Variants in CAMTA1 observed in about 807,000 individuals in gnomAD.
The protein encoded by CAMTA1 is calmodulin binding transcription activator 1.
CAMTA1 carries 27 observed loss-of-function variants against 170.9 expected under a neutral mutation model. The ratio of observed to expected loss-of-function variants is 0.16; its 90% CI spans 0.12 to 0.22. The LOEUF (loss-of-function observed/expected upper bound fraction) is 0.22. CAMTA1 is among the 10% of genes least tolerant of loss of function. The pLI is 1.00. For missense variants in CAMTA1, 1,619 were observed against 2,217.2 expected (o/e 0.73, Z 5.42); for synonymous variants, 833 against 891.5 (o/e 0.93, Z 1.17).
Position 7,063,679 on chromosome 1 carries a change from C to T in CAMTA1, c.235-27625C>T, listed in dbSNP as rs1708583698. 6.6e-6 allele frequency among the ~76,000 whole-genome samples: 1 copy of T among 152,186 alleles called. No individual in the cohort carries two copies. ...TTGCATTTGGACTTAGATTATTAGA[C>T]ATTTTCTTCTTATAAAAATCAGCAA... On this transcript the variant is annotated intron_variant, in intron 3 of 22. Coordinates refer to ENST00000303635, the MANE Select transcript of CAMTA1 (RefSeq NM_015215.4). This position sits in a 1 kb window ranked among gnomAD's most constrained non-coding sequence, Gnocchi z 4.3.
rs1366914462 is a variant in CAMTA1 at position 7,414,340 on chromosome 1, C to T, written c.439-53490C>T. On this transcript the variant is annotated intron_variant, in intron 5 of 22. Coordinates refer to ENST00000303635, the MANE Select transcript of CAMTA1 (RefSeq NM_015215.4). ...ATAGTTTCAGAAGGAATGGTACCAGCTCCTCCTTGTACCTCTGGTAGAATT... is the reference window on the plus strand; with the variant it reads ...ATAGTTTCAGAAGGAATGGTACCAGTTCCTCCTTGTACCTCTGGTAGAATT... Among the ~76,000 whole-genome samples, 4 of 150,964 alleles carry T rather than the reference C, an allele frequency of 2.6e-5. No homozygotes were observed. In the East Asian group the frequency reaches 5.9e-4, roughly 22 times the overall value.
At chr1:6,910,976 G>A (rs560136963) in intron 3 of CAMTA1, among the ~76,000 whole-genome samples, 1 of 152,184 alleles carries the variant, frequency 6.6e-6, no homozygotes, top group Non-Finnish European at 1.5e-5. Context: ...CCCATTGCTC[G>A]CGTCCAGGAT....
intron 6 of CAMTA1, among the ~76,000 whole-genome samples, chr1:7,594,898 G>T (rs2095387416): frequency 6.6e-6 from 1 of 152,218 alleles, no homozygotes; most frequent in South Asian, 2.1e-4. Flanking sequence ...TGGGTAGACA[G>T]ATCCAGCAGG....
At chr1:7,371,836 C>G (rs568535906) in intron 5 of CAMTA1, among the ~76,000 whole-genome samples, 11 of 152,230 alleles carry the variant, frequency 7.2e-5, no homozygotes, top group African/African-American at 1.9e-4. Flanking sequence ...TTTGTCCCCC[C>G]ACTCCAGGGA....
chr1:7,155,252 G>T (rs975157049), intron 4 of CAMTA1, among the ~76,000 whole-genome samples: 2 of 152,012 alleles, frequency 1.3e-5, no homozygotes, highest in Non-Finnish European at 2.9e-5. Flanking sequence ...GGCAGAATGA[G>T]CCTTTCCCAA....
chr1:7,515,133 C>G (rs1193173), intron 6 of CAMTA1, among the ~76,000 whole-genome samples: 7,841 of 99,896 alleles, frequency 0.078, 6 homozygotes, highest in Middle Eastern at 0.11. Flanking sequence ...GCTCCCTCCA[C>G]CTGGGATCAT....
chr1:7,030,091 G>T (rs548039268), intron 3 of CAMTA1, among the ~76,000 whole-genome samples: 1 of 152,310 alleles, frequency 6.6e-6, no homozygotes, highest in Admixed American at 6.5e-5. Flanking sequence ...AGAGAATTGT[G>T]AATATTTCTC....
chr1:7,505,098 G>A (rs766688192), intron 6 of CAMTA1, among the ~76,000 whole-genome samples: 5 of 152,226 alleles, frequency 3.3e-5, no homozygotes, highest in Admixed American at 6.5e-5. Context: ...CTTCACGGGC[G>A]GAAGTGGCAC....
At chr1:7,467,752 C>A in intron 5 of CAMTA1, 78 bp from the exon 6 acceptor site, 1 of 1,354,110 alleles carries the variant, frequency 7.4e-7, no homozygotes, top group South Asian at 1.2e-5. Flanking sequence ...CCTTCTTGCT[C>A]CTTCTCTGTT....
chr1:7,053,272 C>A (rs1047842349), intron 3 of CAMTA1, among the ~76,000 whole-genome samples: 2 of 152,202 alleles, frequency 1.3e-5, no homozygotes, highest in Admixed American at 6.5e-5. Flanking sequence ...ATGCTCCCAT[C>A]GCGACTCACT....
chr1:7,275,758 G>A (rs1670498208), intron 5 of CAMTA1, among the ~76,000 whole-genome samples: 1 of 152,086 alleles, frequency 6.6e-6, no homozygotes, highest in Non-Finnish European at 1.5e-5. Flanking sequence ...AATTAAGTTT[G>A]TAATTTAAAA....
chr1:7,289,517 C>A (rs1245998652), intron 5 of CAMTA1, among the ~76,000 whole-genome samples: 1 of 152,218 alleles, frequency 6.6e-6, no homozygotes, highest in East Asian at 1.9e-4. Context: ...CCGGTTTGCA[C>A]TCTCACCTTC....
chr1:7,409,046 C>T lies in CAMTA1; in HGVS notation c.439-58784C>T, dbSNP rs17346220. ...AACACCTAGGCGCTCCTTTAAGTACCTGCCTGTGGCCCTCTCTCCAAGGTC... is the reference window on the plus strand; with the variant it reads ...AACACCTAGGCGCTCCTTTAAGTACTTGCCTGTGGCCCTCTCTCCAAGGTC... On this transcript the variant is annotated intron_variant, in intron 5 of 22. Transcript: ENST00000303635. 4.8e-3 allele frequency among the ~76,000 whole-genome samples: 724 copies of T among 152,322 alleles called. 1 individual carries two copies. The highest frequency in any genetic ancestry group is 8.0e-3 in the Non-Finnish European group (542 of 68,034).
At chr1:6,850,948 C>T (rs1660143174) in intron 3 of CAMTA1, among the ~76,000 whole-genome samples, 2 of 152,144 alleles carry the variant, frequency 1.3e-5, no homozygotes, top group African/African-American at 2.4e-5. Context: ...CTGGCTGGAT[C>T]AAGGTGTTCT....
At chr1:7,032,642 G>A (rs1266295965) in intron 3 of CAMTA1, among the ~76,000 whole-genome samples, 1 of 151,976 alleles carries the variant, frequency 6.6e-6, no homozygotes, top group African/African-American at 2.4e-5. Context: ...ACCATTTCCA[G>A]TGCTCTTCAT....
intron 11 of CAMTA1, among the ~76,000 whole-genome samples, chr1:7,696,336 C>T (rs1209646983): frequency 1.3e-5 from 2 of 152,108 alleles, no homozygotes; most frequent in African/African-American, 2.4e-5. Flanking sequence ...GCTGGGACTA[C>T]AGGCACCACC....
intron 16 of CAMTA1, 81 bp from the exon 17 acceptor site, chr1:7,744,754 C>A: frequency 8.0e-7 from 1 of 1,249,300 alleles, no homozygotes; most frequent in Non-Finnish European, 1.1e-6. Context: ...TTTTTCTCTC[C>A]AAGGCGAGGC....
intron 4 of CAMTA1, among the ~76,000 whole-genome samples, chr1:7,215,866 C>A (rs1369186224): frequency 6.6e-6 from 1 of 152,204 alleles, no homozygotes; most frequent in Non-Finnish European, 1.5e-5. Context: ...ACGTGACCAA[C>A]TTTTGTGAAT....
chr1:7,201,934 A>G (rs1116254), intron 4 of CAMTA1, among the ~76,000 whole-genome samples: 101,132 of 152,104 alleles, frequency 0.66, 34,530 homozygotes, highest in African/African-American at 0.82. Context: ...CATGCTTTTG[A>G]TGTCATATCT....
Sources: allele counts gnomAD v4.1 joint callset (sites outside exome capture counted in the v4.1 genomes callset), GRCh38; gene constraint gnomAD v4.1.1; non-coding constraint Gnocchi (gnomAD v3.1); transcripts MANE v1.5; gene names NCBI Gene and HGNC (gene_info 2026-07-23, HGNC 2026-07-21).